The following ZNF705A variants were observed in gnomAD, a reference collection of about 807,000 sequenced individuals.
ZNF705A encodes the protein zinc finger protein 705A.
ZNF705A carries 8 observed loss-of-function variants against 16.6 expected under a neutral mutation model. That is an observed-to-expected ratio of 0.48 (90% confidence interval 0.28 to 0.87). ZNF705A has a LOEUF of 0.87. Ranked by LOEUF, ZNF705A falls within the 40% of genes least tolerant of loss-of-function variation. ZNF705A has a pLI of 0.10. For missense variants in ZNF705A, 233 were observed against 359.9 expected, an observed-to-expected ratio of 0.65 and a Z score of 2.85; for synonymous variants, 73 against 117.3, an observed-to-expected ratio of 0.62 and a Z score of 2.44.
Position 8,177,884 on chromosome 12 carries a change from A to G in ZNF705A, c.*301A>G, listed in dbSNP as rs1948499115. On this transcript the variant is annotated 3_prime_UTR_variant, in exon 5 of 5. Coordinates refer to ENST00000359286, the Ensembl canonical transcript of ZNF705A. ...TTACCTTTATTCTTCAGTCCACATC[A>G]ATAAATTCATATGGAAGAGAAATTG... 17 of 498,320 alleles carry G rather than the reference A, an allele frequency of 3.4e-5. No homozygotes were observed. In the South Asian group the frequency reaches 4.1e-4, roughly 12 times the overall value. 30.9% of individuals were successfully genotyped at this position (498,320 alleles called of 1,614,324 possible).
At chr12:8,169,888 A>T (rs1039755789), upstream of ZNF705A, among the ~76,000 whole-genome samples, 1 of 152,064 alleles carries the variant, frequency 6.6e-6, no homozygotes. Context: ...CTCCTTCCTC[A>T]TGACTTTTTA....
rs12317860 is a variant in ZNF705A at position 8,164,605 on chromosome 12, G to A, written c.-72+7513G>A. Among the ~76,000 whole-genome samples the A allele has an allele frequency of 7.0e-3, 1,058 of 152,218 alleles. 14 individuals carry two copies. Among genetic ancestry groups the A allele is most frequent in the African/African-American group, 0.025 (1,032 of 41,500 alleles). The stretch of plus-strand genomic sequence containing the variant: ...GCAGTGTTTGGTTTTCTGTTCGTGG[G>A]TTAGTTTGCTGAGGATAATGGCTTC... On this transcript the variant is annotated intron_variant, in intron 1 of 5. Coordinates refer to the ZNF705A transcript ENST00000396570.
At chr12:8,170,009 G>T (rs1165347819), upstream of ZNF705A, among the ~76,000 whole-genome samples, 1 of 152,054 alleles carries the variant, frequency 6.6e-6, no homozygotes, top group African/African-American at 2.4e-5. Context: ...TACCAAAATG[G>T]AGAAACCCCG....
chr12:8,174,056 T>G (rs1948465291), intron 1 of ZNF705A, among the ~76,000 whole-genome samples: 2 of 152,198 alleles, frequency 1.3e-5, no homozygotes, highest in African/African-American at 4.8e-5. Flanking sequence ...GTAGAGGTGA[T>G]TAACACATTA....
upstream of ZNF705A, among the ~76,000 whole-genome samples, chr12:8,170,979 TA>T (rs1948440747): frequency 6.6e-6 from 1 of 152,096 alleles, no homozygotes; most frequent in African/African-American, 2.4e-5. Context: ...GTTAGGGGAG[TA>T]ATTTTGTCAA....
intron 1 of ZNF705A, among the ~76,000 whole-genome samples, chr12:8,158,126 G>A (rs1185311745): frequency 2.6e-5 from 4 of 152,126 alleles, no homozygotes; most frequent in Non-Finnish European, 5.9e-5. Context: ...TGAATACATA[G>A]CTCAAAGAAA....
chr12:8,169,127 A>G (rs936990697), upstream of ZNF705A, among the ~76,000 whole-genome samples: 1 of 152,186 alleles, frequency 6.6e-6, no homozygotes, highest in African/African-American at 2.4e-5. Context: ...GTATGTAAAT[A>G]TGTTGCATAT....
intron 1 of ZNF705A, among the ~76,000 whole-genome samples, chr12:8,159,989 T>C (rs1948340551): frequency 6.6e-6 from 1 of 152,154 alleles, no homozygotes; most frequent in Non-Finnish European, 1.5e-5. Flanking sequence ...CCATCTTGAG[T>C]TGATTTTTGT....
At chr12:8,176,398 AT>A (rs1330544319) in intron 4 of ZNF705A, among the ~76,000 whole-genome samples, 1 of 152,210 alleles carries the variant, frequency 6.6e-6, no homozygotes, top group Non-Finnish European at 1.5e-5. Context: ...AAGGCTCCAA[AT>A]TTAAAGGGGA....
intron 1 of ZNF705A, among the ~76,000 whole-genome samples, chr12:8,167,520 G>A (rs988214532): frequency 3.9e-5 from 6 of 152,162 alleles, no homozygotes; most frequent in African/African-American, 1.2e-4. Flanking sequence ...TTTTCCCAGA[G>A]AAAGAGCATC....
At chr12:8,177,498 G>C (rs1565417188) in exon 5 of ZNF705A, 1 of 1,612,288 alleles carries the variant, frequency 6.2e-7, no homozygotes, top group Admixed American at 1.7e-5. Flanking sequence ...GGCTTTAGAG[G>C]AAACAAAATA....
exon 5 of ZNF705A, chr12:8,177,920 A>G (rs1948499641): frequency 5.1e-6 from 2 of 390,712 alleles, no homozygotes; most frequent in Non-Finnish European, 9.4e-6. Context: ...TATGACATGT[A>G]TGTACCAAAG....
At chr12:8,176,552 GA>G (rs1436020981) in intron 4 of ZNF705A, among the ~76,000 whole-genome samples, 1 of 152,186 alleles carries the variant, frequency 6.6e-6, no homozygotes, top group Non-Finnish European at 1.5e-5. Flanking sequence ...AATAATGCAG[GA>G]AAGCTGCATT....
At chr12:8,170,196 C>CAAAAAAAAAAAAAAAAAAAAAAAAAAAA (rs1188328005), upstream of ZNF705A, among the ~76,000 whole-genome samples, 6 of 126,514 alleles carry the variant, frequency 4.7e-5, 1 homozygote, top group African/African-American at 2.2e-4. Context: ...CCCCCCCCCC[C>CAAAAAAAAAAAAAAAAAAAAAAAAAAAA]AAAAAAAAAA....
At chr12:8,162,551 A>G (rs1948364490) in intron 1 of ZNF705A, among the ~76,000 whole-genome samples, 2 of 152,156 alleles carry the variant, frequency 1.3e-5, no homozygotes, top group African/African-American at 4.8e-5. Context: ...CTGAGGGAAT[A>G]ATCTAGCTGA....
upstream of ZNF705A, among the ~76,000 whole-genome samples, chr12:8,170,396 T>C (rs1948436467): frequency 6.6e-6 from 1 of 152,228 alleles, no homozygotes; most frequent in African/African-American, 2.4e-5. Flanking sequence ...TGTGTATGTA[T>C]GTGTTTTAAA....
At chr12:8,177,178 T>A in exon 5 of ZNF705A, 3 of 1,611,996 alleles carry the variant, frequency 1.9e-6, no homozygotes, top group Non-Finnish European at 2.5e-6. Context: ...AACAAATTCA[T>A]ACTAAAGGTA....
rs57581482 is a variant in ZNF705A at position 8,165,450 on chromosome 12, AT to A, written c.-71-7080del. The stretch of plus-strand genomic sequence containing the variant: ...GGCACCTGCCACCACGCCCAGCTAA[AT>A]TTTTTTTTTTTTTTTTTTTTTTTTA... On this transcript the variant is annotated intron_variant, in intron 1 of 5. Transcript: ENST00000396570. Among the ~76,000 whole-genome samples, 496 of 81,944 alleles carry A rather than the reference AT, an allele frequency of 6.1e-3. 2 individuals carry two copies. Among genetic ancestry groups the A allele is most frequent in the Admixed American group, 7.2e-3 (44 of 6,148 alleles). 53.8% of individuals were successfully genotyped at this position (81,944 alleles called of 152,430 possible).
At chr12:8,177,591 G>C (rs1274355341) in exon 5 of ZNF705A, 1 of 1,410,808 alleles carries the variant, frequency 7.1e-7, no homozygotes, top group African/African-American at 1.4e-5. Flanking sequence ...TGACATGAGA[G>C]AACATGCACT....
Sources: allele counts gnomAD v4.1 joint callset (sites outside exome capture counted in the v4.1 genomes callset), GRCh38; gene constraint gnomAD v4.1.1; transcripts MANE v1.5; gene names NCBI Gene and HGNC (gene_info 2026-07-23, HGNC 2026-07-21).